HS6ST2: variants seen among roughly 807,000 people sequenced by gnomAD.
The protein encoded by HS6ST2 is heparan-sulfate 6-O-sulfotransferase 2.
HS6ST2 carries 17 observed loss-of-function variants against 33.0 expected under a neutral mutation model. That is an observed-to-expected ratio of 0.52 (90% CI 0.35 to 0.77). HS6ST2 has a LOEUF of 0.77. HS6ST2 is among the 30% of genes least tolerant of loss of function. HS6ST2 has a pLI of 0.01. For missense variants in HS6ST2, 519 were observed against 551.7 expected (o/e 0.94, Z 0.59); for synonymous variants, 248 against 237.1 (o/e 1.05, Z -0.42).
At chrX:132,933,629 G>T (rs928857231) in intron 2 of HS6ST2, among the ~76,000 whole-genome samples, 5 of 111,458 alleles carry the variant, frequency 4.5e-5, no homozygotes, top group African/African-American at 1.6e-4. Context: ...TCAATGAACT[G>T]CAAGTAGGAT....
At chrX:132,713,766 T>C in intron 2 of HS6ST2, among the ~76,000 whole-genome samples, 1 of 111,264 alleles carries the variant, frequency 9.0e-6, no homozygotes, top group East Asian at 2.8e-4. Flanking sequence ...TCTTGACTGC[T>C]CTTTTCACAG....
chrX:132,807,709 G>C (rs913282311), intron 2 of HS6ST2, among the ~76,000 whole-genome samples: 3 of 112,128 alleles, frequency 2.7e-5, no homozygotes, highest in East Asian at 2.8e-4. Flanking sequence ...TCTAGGAAAA[G>C]AAAAGTCACG....
chrX:132,849,737 A>T (rs912990566), intron 2 of HS6ST2, among the ~76,000 whole-genome samples: 7 of 112,092 alleles, frequency 6.2e-5, no homozygotes, highest in Non-Finnish European at 1.3e-4. Context: ...CATCCATCAA[A>T]TGACCTTTGT....
intron 4 of HS6ST2, among the ~76,000 whole-genome samples, chrX:132,666,519 A>G (rs778545741): frequency 2.0e-3 from 225 of 111,511 alleles, no homozygotes; most frequent in African/African-American, 6.8e-3. Context: ...TTGGAGCCTC[A>G]ATTTCCTCAT....
At chrX:132,865,474 G>A (rs1309184703) in intron 2 of HS6ST2, among the ~76,000 whole-genome samples, 6 of 109,669 alleles carry the variant, frequency 5.5e-5, no homozygotes, top group Non-Finnish European at 1.1e-4. Context: ...ATGATTTATA[G>A]TCCTTTGGGT....
chrX:132,863,805 G>A (rs192905065), intron 2 of HS6ST2, among the ~76,000 whole-genome samples: 4 of 111,775 alleles, frequency 3.6e-5, no homozygotes, highest in African/African-American at 1.3e-4. Context: ...CTGCAAACAA[G>A]AACCACTTAT....
intron 2 of HS6ST2, among the ~76,000 whole-genome samples, chrX:132,776,794 T>C (rs146508934): frequency 0.022 from 2,427 of 111,252 alleles, 49 homozygotes; most frequent in East Asian, 0.13. Context: ...AGCACCGCAG[T>C]CTTAGAACCA....
intron 2 of HS6ST2, among the ~76,000 whole-genome samples, chrX:132,864,121 AGATAAATTCAT>A (rs2065942795): frequency 9.0e-6 from 1 of 110,852 alleles, no homozygotes; most frequent in African/African-American, 3.3e-5. Flanking sequence ...GACCAAAGGT[AGATAAATTCAT>A]GAAGATGAGG....
intron 2 of HS6ST2, among the ~76,000 whole-genome samples, chrX:132,866,557 A>C (rs1457573228): frequency 7.4e-5 from 6 of 81,430 alleles, no homozygotes; most frequent in Non-Finnish European, 1.4e-4. Flanking sequence ...TGAATCTGTA[A>C]ATTACCTTGG....
intron 4 of HS6ST2, among the ~76,000 whole-genome samples, chrX:132,647,095 T>A (rs1035528982): frequency 9.0e-6 from 1 of 111,266 alleles, no homozygotes; most frequent in East Asian, 2.8e-4. Context: ...AGACTGCCCA[T>A]ATGGACAGGA....
intron 2 of HS6ST2, among the ~76,000 whole-genome samples, chrX:132,905,701 C>T (rs2066466695): frequency 9.1e-6 from 1 of 110,493 alleles, no homozygotes; most frequent in Admixed American, 9.6e-5. Context: ...ATCACTTGAG[C>T]CAAGGAATTT....
chrX:132,749,607 G>A (rs1429230041), intron 2 of HS6ST2, among the ~76,000 whole-genome samples: 1 of 112,238 alleles, frequency 8.9e-6, no homozygotes, highest in Non-Finnish European at 1.9e-5. Context: ...CTAAGTGACT[G>A]ACACCCCTGA....
intron 3 of HS6ST2, among the ~76,000 whole-genome samples, chrX:132,681,463 C>T (rs908932738): frequency 3.6e-5 from 4 of 111,031 alleles, no homozygotes; most frequent in Admixed American, 1.9e-4. Flanking sequence ...GGCTTCAAAA[C>T]GTCAAGAAAG....
intron 2 of HS6ST2, among the ~76,000 whole-genome samples, chrX:132,801,307 AT>A (rs2065232776): frequency 9.0e-6 from 1 of 111,034 alleles, no homozygotes; most frequent in African/African-American, 3.3e-5. Context: ...AAAAAAAAAA[AT>A]TCTATAGTTA....
At chrX:132,730,091 G>C in intron 2 of HS6ST2, among the ~76,000 whole-genome samples, 1 of 111,052 alleles carries the variant, frequency 9.0e-6, no homozygotes, top group Non-Finnish European at 1.9e-5. Context: ...TAGAGACCAA[G>C]AAACTTAAGG....
At chrX:132,725,939 T>G (rs932116144) in intron 2 of HS6ST2, among the ~76,000 whole-genome samples, 2 of 111,046 alleles carry the variant, frequency 1.8e-5, no homozygotes, top group African/African-American at 6.6e-5. Context: ...TTCTCACTTA[T>G]TTGTGGGATC....
chrX:132,940,058 C>A (rs1464563019), intron 2 of HS6ST2, among the ~76,000 whole-genome samples: 1 of 112,042 alleles, frequency 8.9e-6, no homozygotes, highest in Non-Finnish European at 1.9e-5. Context: ...AGCTACAAAG[C>A]AACAGTAGTC....
At chrX:132,867,634 A>G (rs2066003942) in intron 2 of HS6ST2, among the ~76,000 whole-genome samples, 2 of 111,561 alleles carry the variant, frequency 1.8e-5, no homozygotes, top group South Asian at 7.5e-4. Flanking sequence ...TTGGTAAGCT[A>G]TTGATTATAA....
intron 2 of HS6ST2, among the ~76,000 whole-genome samples, chrX:132,839,337 C>T (rs921757612): frequency 4.5e-4 from 43 of 95,237 alleles, no homozygotes; most frequent in Non-Finnish European, 6.3e-4. Context: ...TATGTATATA[C>T]ACACACACAC....
Sources: allele counts gnomAD v4.1 joint callset (sites outside exome capture counted in the v4.1 genomes callset), GRCh38; gene constraint gnomAD v4.1.1; transcripts MANE v1.5; gene names NCBI Gene and HGNC (gene_info 2026-07-23, HGNC 2026-07-21).